Variants in SYNE1 observed in about 807,000 individuals in gnomAD.
SYNE1 encodes the protein spectrin repeat containing nuclear envelope protein 1.
A neutral mutation model predicts 1,111.0 loss-of-function variants in SYNE1; 616 were observed. The observed-to-expected ratio is 0.55, with a 90% CI of 0.52 to 0.59. The LOEUF is 0.59. Ranked by LOEUF, SYNE1 falls within the 20% of genes least tolerant of loss-of-function variation. SYNE1 has a pLI of 0.00. For missense variants in SYNE1, 10,006 were observed against 10,417.0 expected, an observed-to-expected ratio of 0.96 and a Z score of 1.72; for synonymous variants, 3,855 against 3,825.8, an observed-to-expected ratio of 1.01 and a Z score of -0.28.
Position 152,451,192 on chromosome 6 carries a change from T to C in SYNE1, c.3041A>G (p.Glu1014Gly). The C allele has an allele frequency of 1.2e-6, 2 of 1,613,978 alleles. No individual in the cohort carries two copies. ...LHKQWKDLQG[E>G]APYHLLHLKI... ...CAGATGAAGCAAATGATAAGGGGCT[T>C]CTCCTTGAAGATCCTACATTCCATA... The change falls in exon 26 of 146, where the codon GAA becomes GGA. Residue 1014 changes from glutamate to glycine, a missense_variant. Physicochemically the swap from Glu to Gly is moderately conservative, Grantham distance 98. Coordinates refer to ENST00000367255, the MANE Select transcript of SYNE1 (RefSeq NM_182961.4).
chr6:152,137,151 G>A (rs2057282922), intron 140 of SYNE1, among the ~76,000 whole-genome samples: 1 of 152,152 alleles, frequency 6.6e-6, no homozygotes, highest in South Asian at 2.1e-4. Context: ...AAGAAGGTCT[G>A]CCACATATTT....
At chr6:152,494,665 C>T (rs1446428730) in intron 11 of SYNE1, among the ~76,000 whole-genome samples, 1 of 152,168 alleles carries the variant, frequency 6.6e-6, no homozygotes, top group Non-Finnish European at 1.5e-5. Context: ...CCTTCCATAT[C>T]CTGCACCACC....
At chr6:152,615,866 G>A (rs886315325) in intron 3 of SYNE1, among the ~76,000 whole-genome samples, 2 of 152,108 alleles carry the variant, frequency 1.3e-5, no homozygotes, top group African/African-American at 2.4e-5. Context: ...GCACTCTTTA[G>A]GAATTTTTTA....
chr6:152,314,170 A>G (rs1255175064), intron 87 of SYNE1, among the ~76,000 whole-genome samples: 1 of 152,244 alleles, frequency 6.6e-6, no homozygotes, highest in African/African-American at 2.4e-5. Flanking sequence ...TGCTTTCTGA[A>G]AATACAAGTC....
chr6:152,310,755 C>A lies in SYNE1; in HGVS notation c.16829G>T (p.Gly5610Val). The change falls in exon 88 of 146, where the codon GGA becomes GTA. Residue 5610 changes from glycine to valine, a missense_variant. Coordinates refer to ENST00000367255, the MANE Select transcript of SYNE1 (RefSeq NM_182961.4). ...EKMSQQVAEL[G>V]RETEELRQMI... ...CTGTCGCAACTCCTCAGTCTCCCGT[C>A]CCAGTTCTGCCACTTGCTGAGACAT... 1.9e-6 allele frequency: 3 copies of A among 1,614,038 alleles called. No individual in the cohort carries two copies. The highest frequency in any genetic ancestry group is 2.5e-6 in the Non-Finnish European group (3 of 1,180,024).
intron 88 of SYNE1, 22 bp from the exon 89 acceptor site, chr6:152,310,540 A>G: frequency 6.2e-7 from 1 of 1,613,834 alleles, no homozygotes; most frequent in Non-Finnish European, 8.5e-7. Context: ...ATATCAATGT[A>G]TTGTACTTGA....
At chr6:152,454,681 G>T (rs1226246042) in intron 24 of SYNE1, among the ~76,000 whole-genome samples, 1 of 152,182 alleles carries the variant, frequency 6.6e-6, no homozygotes, top group Non-Finnish European at 1.5e-5. Context: ...TAAAAACGGT[G>T]ATTCAAAACA....
chr6:152,353,555 C>T (rs1406590866), intron 68 of SYNE1, 34 bp downstream of exon 68: 1 of 1,613,972 alleles, frequency 6.2e-7, no homozygotes, highest in Non-Finnish European at 8.5e-7. Context: ...GCGAAGTTTG[C>T]TGGTCTATGC....
At chr6:152,514,657 C>G (rs950627606) in intron 6 of SYNE1, among the ~76,000 whole-genome samples, 3 of 146,844 alleles carry the variant, frequency 2.0e-5, no homozygotes, top group Non-Finnish European at 4.5e-5. Flanking sequence ...ACAATGAATA[C>G]CAAAAAAAAA....
intron 128 of SYNE1, among the ~76,000 whole-genome samples, chr6:152,184,161 C>T (rs189728392): frequency 4.6e-5 from 7 of 152,252 alleles, no homozygotes; most frequent in South Asian, 4.1e-4. Flanking sequence ...TATGGCCAGG[C>T]GCACTGGCTC....
intron 14 of SYNE1, chr6:152,480,698 C>A (rs934392217): frequency 8.9e-6 from 4 of 451,042 alleles, no homozygotes; most frequent in East Asian, 7.0e-5. Context: ...ATGAAAAGAT[C>A]ATTCTAATAT....
chr6:152,406,872 A>AAAT, intron 45 of SYNE1, 142 bp downstream of exon 45: 1 of 488,100 alleles, frequency 2.0e-6, no homozygotes, highest in Non-Finnish European at 2.8e-6. Flanking sequence ...ACTTTGCCTA[A>AAAT]AATAATAATA....
chr6:152,310,102 G>T (rs1377504851), intron 89 of SYNE1, 85 bp from the exon 90 acceptor site: 35 of 1,444,942 alleles, frequency 2.4e-5, no homozygotes, highest in Non-Finnish European at 3.2e-5. Context: ...TAGTTACGTT[G>T]CAAGTTATAA....
intron 59 of SYNE1, among the ~76,000 whole-genome samples, chr6:152,372,502 G>GA (rs960714791): frequency 1.8e-4 from 27 of 151,784 alleles, no homozygotes; most frequent in Admixed American, 7.2e-4. Flanking sequence ...GTCTCAGACG[G>GA]AAAAAAAATA....
chr6:152,306,866 T>C (rs1468547781), intron 91 of SYNE1, among the ~76,000 whole-genome samples: 3 of 139,676 alleles, frequency 2.1e-5, no homozygotes, highest in Non-Finnish European at 3.0e-5. Flanking sequence ...ATCTTGCCAC[T>C]GCACTCTAGC....
Position 152,435,999 on chromosome 6 carries a change from G to A in SYNE1, c.4252C>T (p.Gln1418Ter). The A allele has an allele frequency of 6.2e-7, 1 of 1,614,160 alleles. No homozygotes were observed. The highest frequency in any genetic ancestry group is 8.5e-7 in the Non-Finnish European group (1 of 1,180,012). The change falls in exon 33 of 146, where the codon CAG becomes TAG. Residue 1418 changes from glutamine (Q) to a stop codon, truncating the protein, a stop_gained. Coordinates refer to ENST00000367255, the MANE Select transcript of SYNE1 (RefSeq NM_182961.4). LOFTEE classifies it high-confidence loss of function. ...TGTTCTTTGATTGACTTGGCCTGCT[G>A]TTGAAGCAGCTGCTTATTTTGGGGC... ...LGPQNKQLLQ[Q>*]QAKSIKEQVK... is the part of the protein sequence containing the mutation.
At chr6:152,337,418 T>C (rs575000506) in intron 75 of SYNE1, among the ~76,000 whole-genome samples, 4 of 152,222 alleles carry the variant, frequency 2.6e-5, no homozygotes, top group African/African-American at 7.2e-5. Flanking sequence ...GCCTCCTGAG[T>C]AGCTGGGATT....
chr6:152,170,521 T>G (rs1177220572), intron 130 of SYNE1, among the ~76,000 whole-genome samples: 4 of 152,178 alleles, frequency 2.6e-5, no homozygotes, highest in Non-Finnish European at 4.4e-5. Flanking sequence ...TTCTGTGCTG[T>G]TTCTGTGCTC....
chr6:152,239,488 A>G, intron 108 of SYNE1, 45 bp downstream of exon 108: 1 of 1,610,602 alleles, frequency 6.2e-7, no homozygotes, highest in Non-Finnish European at 8.5e-7. Context: ...TCTATTTTGC[A>G]GCAGGAAGTT....
Sources: allele counts gnomAD v4.1 joint callset (sites outside exome capture counted in the v4.1 genomes callset), GRCh38; gene constraint gnomAD v4.1.1; transcripts MANE v1.5; gene names NCBI Gene and HGNC (gene_info 2026-07-23, HGNC 2026-07-21).